SFI1: variants seen among roughly 807,000 people sequenced by gnomAD.
SFI1 encodes the protein SFI1 centrin binding protein.
A neutral mutation model predicts 207.5 loss-of-function variants in SFI1; 195 were observed. The ratio of observed to expected loss-of-function variants is 0.94; its 90% CI spans 0.84 to 1.06. The LOEUF is 1.06. Among genes scored for constraint, SFI1 ranks in the 50% least tolerant of loss-of-function variants. The pLI is 0.00. For synonymous variants in SFI1, 630 were observed against 598.9 expected, an observed-to-expected ratio of 1.05 and a Z score of -0.76; for missense variants, 1,634 against 1,588.0, an observed-to-expected ratio of 1.03 and a Z score of -0.49.
intron 2 of SFI1, among the ~76,000 whole-genome samples, chr22:31,512,122 G>A (rs1005788179): frequency 9.9e-5 from 15 of 152,060 alleles, no homozygotes; most frequent in East Asian, 3.9e-4. Context: ...TTGGGAGGCC[G>A]AGGCGGGCAG....
rs939465287 is a variant in SFI1 at position 31,616,580 on chromosome 22, A to G, written c.3301-165A>G. On this transcript the variant is annotated intron_variant, in intron 29 of 32. Transcript: ENST00000400288. The stretch of plus-strand genomic sequence containing the variant: ...CAGGCCCTGTGTGCAGGGGCAGGCT[A>G]GACACTGAGCTGGCACGGCCAGTGC... 1.2e-4 allele frequency: 82 copies of G among 681,068 alleles called. No homozygotes were observed. In the African/African-American group the frequency reaches 1.3e-3, roughly 11 times the overall value. 42.2% of individuals were successfully genotyped at this position (681,068 alleles called of 1,614,324 possible). A position where few individuals can be genotyped will look rare whatever the true frequency, so the allele number is the denominator to read the frequency against.
intron 24 of SFI1, chr22:31,612,378 T>TAAAAAAAA (rs1211677628): frequency 3.2e-5 from 2 of 62,262 alleles, no homozygotes; most frequent in Non-Finnish European, 5.2e-5. Flanking sequence ...AGACTCTGTC[T>TAAAAAAAA]AAAAAAAAAA....
intron 8 of SFI1, among the ~76,000 whole-genome samples, chr22:31,568,271 G>T (rs2145710227): frequency 6.9e-6 from 1 of 144,710 alleles, no homozygotes; most frequent in African/African-American, 2.5e-5. Context: ...TGGCGCGATG[G>T]CTCCCAGCAC....
intron 15 of SFI1, among the ~76,000 whole-genome samples, chr22:31,600,522 C>T (rs1039187411): frequency 2.6e-5 from 4 of 152,212 alleles, no homozygotes; most frequent in Non-Finnish European, 4.4e-5. Flanking sequence ...TGCTAGGCCT[C>T]CAGGCCCTCA....
chr22:31,551,370 T>C (rs1294403775), intron 6 of SFI1, among the ~76,000 whole-genome samples: 1 of 152,196 alleles, frequency 6.6e-6, no homozygotes, highest in Non-Finnish European at 1.5e-5. Context: ...CCCATTTAAA[T>C]GTGTAGCTTT....
In SFI1 at chr22:31,545,376, G is replaced by A. The variant is rs527707834; in HGVS notation, c.339-1485G>A. Among the ~76,000 whole-genome samples the A allele has an allele frequency of 1.8e-3, 262 of 146,698 alleles. 1 individual carries two copies. The highest frequency in any genetic ancestry group is 6.3e-3 in the African/African-American group (248 of 39,662). On this transcript the variant is annotated intron_variant, in intron 4 of 32. Transcript: ENST00000400288. ...GCAAAACTCCGTCTCAAAAAAAAAA[G>A]AAAAAAAAAATTTGTAGAGCTGGGT...
intron 1 of SFI1, among the ~76,000 whole-genome samples, chr22:31,504,347 T>C (rs2054293015): frequency 6.6e-6 from 1 of 152,178 alleles, no homozygotes; most frequent in African/African-American, 2.4e-5. Context: ...AACTAGGACA[T>C]CGGTTTGATG....
intron 1 of SFI1, among the ~76,000 whole-genome samples, chr22:31,496,963 A>G (rs1268276916): frequency 2.6e-5 from 4 of 152,160 alleles, no homozygotes; most frequent in African/African-American, 9.7e-5. Context: ...AGTCCACGCA[A>G]TGCCCCTTAG....
chr22:31,584,955 G>A, intron 13 of SFI1, 113 bp from the exon 14 acceptor site: 1 of 685,888 alleles, frequency 1.5e-6, no homozygotes, highest in South Asian at 2.2e-5. Flanking sequence ...AATGAAACTA[G>A]TAAGCCCATG....
intron 15 of SFI1, 57 bp from the exon 16 acceptor site, chr22:31,602,155 G>A: frequency 7.0e-7 from 1 of 1,429,564 alleles, no homozygotes; most frequent in African/African-American, 1.4e-5. Flanking sequence ...TTCTAGTTCT[G>A]TTTGGGTTAA....
chr22:31,576,326 CT>C (rs962995134), intron 10 of SFI1, among the ~76,000 whole-genome samples: 125 of 122,278 alleles, frequency 1.0e-3, no homozygotes, highest in South Asian at 1.0e-3. Flanking sequence ...TACCCAGCCT[CT>C]TTTTTTTTTT....
At chr22:31,593,027 T>C (rs867908048) in intron 15 of SFI1, among the ~76,000 whole-genome samples, 2,303 of 45,100 alleles carry the variant, frequency 0.051, 8 homozygotes, top group Admixed American at 0.058. Context: ...GCTGGCCAGG[T>C]GGGGGGCTGA....
At chr22:31,613,016 C>G in intron 24 of SFI1, 126 bp from the exon 25 acceptor site, 1 of 953,322 alleles carries the variant, frequency 1.0e-6, no homozygotes, top group Non-Finnish European at 1.6e-6. Flanking sequence ...CTGGCCCTTC[C>G]TAGTGGAGGA....
chr22:31,596,379 G>T (rs1271566376), intron 15 of SFI1, among the ~76,000 whole-genome samples: 3 of 152,176 alleles, frequency 2.0e-5, no homozygotes, highest in African/African-American at 7.2e-5. Context: ...GTTTTAGGTG[G>T]TGGCCACGGG....
At chr22:31,595,675 G>T (rs1308779721) in intron 15 of SFI1, among the ~76,000 whole-genome samples, 2 of 152,230 alleles carry the variant, frequency 1.3e-5, no homozygotes, top group Non-Finnish European at 2.9e-5. Flanking sequence ...TTCTTCCAGT[G>T]CTCAGAGCTA....
At chr22:31,515,377 C>T (rs774023403) in intron 2 of SFI1, among the ~76,000 whole-genome samples, 1 of 150,436 alleles carries the variant, frequency 6.6e-6, no homozygotes, top group Non-Finnish European at 1.5e-5. Context: ...GGGACAGGAT[C>T]TCATTCTTTT....
At chr22:31,593,026 G>GC (rs1293148403) in intron 15 of SFI1, among the ~76,000 whole-genome samples, 6 of 132,320 alleles carry the variant, frequency 4.5e-5, no homozygotes, top group Non-Finnish European at 9.8e-5. Flanking sequence ...GGCTGGCCAG[G>GC]TGGGGGGCTG....
intron 22 of SFI1, among the ~76,000 whole-genome samples, chr22:31,609,827 C>T (rs1370184659): frequency 6.6e-6 from 1 of 152,266 alleles, no homozygotes; most frequent in African/African-American, 2.4e-5. Flanking sequence ...CTGCACCTGA[C>T]CCTTTGGGCA....
At chr22:31,541,038 T>C (rs2059433009) in intron 4 of SFI1, among the ~76,000 whole-genome samples, 1 of 152,066 alleles carries the variant, frequency 6.6e-6, no homozygotes, top group Admixed American at 6.6e-5. Flanking sequence ...ACCTGAGTCT[T>C]TGCTTGAGTG....
Sources: allele counts gnomAD v4.1 joint callset (sites outside exome capture counted in the v4.1 genomes callset), GRCh38; gene constraint gnomAD v4.1.1; transcripts MANE v1.5; gene names NCBI Gene and HGNC (gene_info 2026-07-23, HGNC 2026-07-21).